MYH11: variants seen among roughly 807,000 people sequenced by gnomAD.
MYH11 encodes myosin heavy chain 11.
A neutral mutation model predicts 246.6 loss-of-function variants in MYH11; 80 were observed. The ratio of observed to expected loss-of-function variants is 0.32; its 90% CI spans 0.27 to 0.39. MYH11 has a LOEUF of 0.39. MYH11 is among the 10% of genes least tolerant of loss of function. The pLI, the probability that MYH11 is intolerant of heterozygous loss-of-function variation, is 1.00. For synonymous variants in MYH11, 1,071 were observed against 1,015.5 expected (o/e 1.05, Z -1.04); for missense variants, 2,158 against 2,546.8 (o/e 0.85, Z 3.29).
At chr16:15,777,131 A>G (rs2042241217) in intron 7 of MYH11, among the ~76,000 whole-genome samples, 1 of 151,460 alleles carries the variant, frequency 6.6e-6, no homozygotes, top group Non-Finnish European at 1.5e-5. Flanking sequence ...ACACACACGC[A>G]CGTATGTTTG....
chr16:15,784,563 T>A, intron 5 of MYH11: 1 of 893,720 alleles, frequency 1.1e-6, no homozygotes, highest in South Asian at 1.7e-5. Flanking sequence ...ATTTACTGAT[T>A]TAAGTTGTGA....
At chr16:15,845,575 G>A (rs962325403) in intron 1 of MYH11, among the ~76,000 whole-genome samples, 2 of 152,128 alleles carry the variant, frequency 1.3e-5, no homozygotes, top group East Asian at 1.9e-4. Context: ...TTGATACGAC[G>A]CGTCTTCTTT....
At chr16:15,724,450 T>C (rs1418491603) in intron 30 of MYH11, 41 bp from the exon 31 acceptor site, 3 of 1,612,352 alleles carry the variant, frequency 1.9e-6, no homozygotes, top group Non-Finnish European at 2.5e-6. Context: ...AGGGGGACCA[T>C]GAGTGGCCCC....
rs145121051 is a variant in MYH11 at position 15,740,185 on chromosome 16, G to C, written c.2863C>G (p.Leu955Val). 18 of 1,614,056 alleles carry C rather than the reference G, an allele frequency of 1.1e-5. No individual in the cohort carries two copies. Among genetic ancestry groups the C allele is most frequent in the Non-Finnish European group, 1.5e-5 (18 of 1,180,042 alleles). ...RKKMAQQMLD[L>V]EEQLEEEEAA... is the part of the protein sequence containing the mutation. ...TCCTCCTCCTCCAGCTGTTCTTCAA[G>C]GTCCTTTGTTGTGGAGGGAAAAGAG... Residue 955 changes from leucine (L) to valine (V), a missense_variant, in exon 23 of 41, where the codon CTT (leucine) becomes GTT (valine). By Grantham distance (32) the Leu-to-Val change is conservative. This residue lies in a region of MYH11 where 284 missense variants were observed against 315.4 expected (regional missense o/e 0.90). Transcript: ENST00000300036.
At chr16:15,731,739 C>T (rs976427252) in intron 27 of MYH11, among the ~76,000 whole-genome samples, 3 of 151,836 alleles carry the variant, frequency 2.0e-5, no homozygotes, top group African/African-American at 7.3e-5. Flanking sequence ...GTGATTTGCC[C>T]GCCTTGCCTC....
At chr16:15,774,629 G>A (rs1385787122) in intron 8 of MYH11, among the ~76,000 whole-genome samples, 1 of 152,146 alleles carries the variant, frequency 6.6e-6, no homozygotes, top group East Asian at 1.9e-4. Flanking sequence ...TCACTCTATC[G>A]CCTAGGCTGG....
At chr16:15,800,500 ATGGT>A (rs1232842796) in intron 3 of MYH11, among the ~76,000 whole-genome samples, 3 of 146,174 alleles carry the variant, frequency 2.1e-5, no homozygotes, top group Non-Finnish European at 3.0e-5. Flanking sequence ...GGTTGGACGG[ATGGT>A]TGGACGGAGG....
At chr16:15,855,473 A>C (rs1596966562) in intron 1 of MYH11, among the ~76,000 whole-genome samples, 1 of 152,230 alleles carries the variant, frequency 6.6e-6, no homozygotes, top group Non-Finnish European at 1.5e-5. Flanking sequence ...ACTTGGACTC[A>C]AACTGACCCG....
Position 15,758,017 on chromosome 16 carries a change from G to C in MYH11, c.1402-17C>G, listed in dbSNP as rs1440818657. On this transcript the variant is annotated splice_polypyrimidine_tract_variant and intron_variant, in intron 12 of 40. Coordinates refer to ENST00000300036, the MANE Select transcript of MYH11 (RefSeq NM_002474.3). Reference sequence around the variant, plus strand: ...GGAGTTCACCTGAGCACATGGCGTGGGGGCGGGGCGTGAGCATCTTGGTAT... The same window carrying C: ...GGAGTTCACCTGAGCACATGGCGTGCGGGCGGGGCGTGAGCATCTTGGTAT... The C allele has an allele frequency of 1.2e-6, 2 of 1,613,060 alleles. No homozygotes were observed. The highest frequency in any genetic ancestry group is 1.7e-6 in the Non-Finnish European group (2 of 1,180,020).
intron 2 of MYH11, among the ~76,000 whole-genome samples, chr16:15,824,455 G>A (rs2043505885): frequency 6.6e-6 from 1 of 151,824 alleles, no homozygotes; most frequent in Non-Finnish European, 1.5e-5. Context: ...TTTTTATTTT[G>A]TTTTTTGTAG....
At chr16:15,752,805 G>C (rs1267408198) in intron 15 of MYH11, among the ~76,000 whole-genome samples, 1 of 152,180 alleles carries the variant, frequency 6.6e-6, no homozygotes, top group Non-Finnish European at 1.5e-5. Context: ...CTGGAACCCA[G>C]AAGGTGGAGG....
At chr16:15,758,990 A>G (rs917041568) in intron 12 of MYH11, among the ~76,000 whole-genome samples, 2 of 151,662 alleles carry the variant, frequency 1.3e-5, no homozygotes, top group African/African-American at 4.8e-5. Flanking sequence ...GACAAGACAA[A>G]AAAAAAACCT....
rs189689012 is a variant in MYH11, at chr16:15,723,426, C to A, written c.4365+735G>T. 5.6e-4 allele frequency among the ~76,000 whole-genome samples: 86 copies of A among 152,270 alleles called. 1 individual carries two copies. The East Asian group carries it at 0.012, about 22-fold the overall frequency. On this transcript the variant is annotated intron_variant, in intron 31 of 40. Transcript: ENST00000300036. ...CTTTGGGAGGCCAAGGCAGGCAGAT[C>A]ATGTGAGGCCAGGAGTTGGAGACCA...
rs116914820 is a variant in MYH11 at position 15,786,860 on chromosome 16, G to T, written c.531-128C>A. 6,243 of 921,978 alleles carry T rather than the reference G, an allele frequency of 6.8e-3. 163 individuals are homozygous for T. The highest frequency in any genetic ancestry group is 0.067 in the East Asian group (2,548 of 38,088). The allele number at this position is 921,978 out of a possible 1,614,324, so 57.1% of individuals were successfully genotyped here. The stretch of plus-strand genomic sequence containing the variant: ...GAGGGTGAAACAGAGGCTCCCAGAG[G>T]GGAAGTAACTTGCCCAAGGCCACAT... On this transcript the variant is annotated intron_variant, in intron 4 of 40. Coordinates refer to ENST00000300036, the MANE Select transcript of MYH11 (RefSeq NM_002474.3).
In MYH11 at chr16:15,721,032, G is replaced by C. The variant is rs748529935; in HGVS notation, c.4598C>G (p.Ser1533Cys). Residue 1533 changes from serine (S) to cysteine (C), a missense_variant, in exon 33 of 41, where the codon TCC becomes TGC. Ser to Cys is a moderately radical substitution (Grantham distance 112, BLOSUM62 -1). Transcript: ENST00000300036. ...VGKNVHELEK[S>C]KRALETQMEE... The stretch of plus-strand genomic sequence containing the variant: ...CATCTGGGTCTCCAGGGCCCGCTTG[G>C]ACTTCTCCAGCTCATGGACCTGCCG... 2.5e-6 allele frequency: 4 copies of C among 1,613,852 alleles called. No individual in the cohort carries two copies. The highest frequency in any genetic ancestry group is 3.3e-5 in the Admixed American group (2 of 59,984).
rs1209319427 is a variant in MYH11, at chr16:15,823,239, C to T, written c.502+16G>A. ...GCTCCCTGGAGCTGGCCCCGTGCAG[C>T]CCTGAGTTCACTCACCTTGAAGCAT... On this transcript the variant is annotated intron_variant, in intron 3 of 40. Transcript: ENST00000300036. 5 of 1,613,966 alleles carry T rather than the reference C, an allele frequency of 3.1e-6. No individual in the cohort carries two copies. The highest frequency in any genetic ancestry group is 1.7e-4 in the Middle Eastern group (1 of 5,898).
chr16:15,765,344 G>T (rs2041958670), intron 9 of MYH11, among the ~76,000 whole-genome samples: 1 of 152,048 alleles, frequency 6.6e-6, no homozygotes, highest in South Asian at 2.1e-4. Flanking sequence ...ATAGAGGATA[G>T]ATGGATAGAT....
intron 20 of MYH11, among the ~76,000 whole-genome samples, chr16:15,742,764 T>C (rs2041311034): frequency 6.6e-6 from 1 of 152,010 alleles, no homozygotes; most frequent in Admixed American, 6.6e-5. Flanking sequence ...TTATAAGATA[T>C]GTATTACCCC....
rs143676626 is a variant in MYH11, at chr16:15,777,401, G to A, written c.791-1225C>T. ...CTCCCAAAGTGCTGGAATTACAGGC[G>A]TGAACCACCGTGCCTGGCTGAGATG... On this transcript the variant is annotated intron_variant, in intron 7 of 40. Transcript: ENST00000300036. 2.7e-3 allele frequency among the ~76,000 whole-genome samples: 409 copies of A among 152,290 alleles called. 5 individuals are homozygous for A. Among genetic ancestry groups the A allele is most frequent in the African/African-American group, 9.3e-3 (387 of 41,560 alleles).
Sources: gnomAD v4.1 joint callset for allele counts (sites outside exome capture counted in the v4.1 genomes callset) on GRCh38, gnomAD v4.1.1 for gene constraint, gnomAD v4.1.1 regional missense constraint, MANE v1.5 for transcripts, NCBI Gene and HGNC (gene_info 2026-07-23, HGNC 2026-07-21) for gene names.